The following MET variants were observed in gnomAD, a reference collection of about 807,000 sequenced individuals.
MET encodes MET proto-oncogene, receptor tyrosine kinase.
Under a neutral mutation model 133.1 loss-of-function variants are expected in MET, and 48 were observed. That is an observed-to-expected ratio of 0.36 (90% confidence interval 0.29 to 0.46). The LOEUF (loss-of-function observed/expected upper bound fraction) is 0.46. Ranked by LOEUF, MET falls within the 20% of genes least tolerant of loss-of-function variation. MET has a pLI of 1.00. For synonymous variants in MET, 628 were observed against 616.5 expected, an observed-to-expected ratio of 1.02 and a Z score of -0.28; for missense variants, 1,442 against 1,695.9, an observed-to-expected ratio of 0.85 and a Z score of 2.63.
chr7:116,735,895 G>C (rs1440198420), intron 3 of MET, among the ~76,000 whole-genome samples: 1 of 150,610 alleles, frequency 6.6e-6, no homozygotes, highest in Non-Finnish European at 1.5e-5. Context: ...TTGTGCCTTA[G>C]CCTCCTGAGT....
chr7:116,741,702 G>C (rs1457426432), intron 5 of MET, among the ~76,000 whole-genome samples: 1 of 152,194 alleles, frequency 6.6e-6, no homozygotes, highest in Non-Finnish European at 1.5e-5. Context: ...AGAAAAAAAA[G>C]CAAAGGCTCA....
At chr7:116,785,960 A>G (rs1795299838) in intron 19 of MET, among the ~76,000 whole-genome samples, 1 of 152,246 alleles carries the variant, frequency 6.6e-6, no homozygotes, top group African/African-American at 2.4e-5. Flanking sequence ...TCCATCAGGC[A>G]ATTGAAAATG....
At chr7:116,758,366 CATTGAGTT>C (rs1250495610) in intron 8 of MET, 85 bp from the exon 9 acceptor site, 4 of 1,310,120 alleles carry the variant, frequency 3.1e-6, no homozygotes, top group Non-Finnish European at 4.4e-6. Context: ...ACTTAGGAAC[CATTGAGTT>C]ATATCCTTTT....
intron 19 of MET, among the ~76,000 whole-genome samples, chr7:116,788,558 A>T (rs546945259): frequency 6.6e-6 from 1 of 152,356 alleles, no homozygotes; most frequent in Admixed American, 6.5e-5. Flanking sequence ...CTGGAAATGT[A>T]CATAGATTTC....
intron 1 of MET, 70 bp downstream of exon 1, chr7:116,672,647 C>G (rs1796016475): frequency 2.7e-6 from 1 of 373,568 alleles, no homozygotes; most frequent in Non-Finnish European, 4.8e-6. Context: ...TCTTTGTTCC[C>G]CTAAGAGACC....
At chr7:116,701,886 A>G (rs1791593077) in intron 2 of MET, among the ~76,000 whole-genome samples, 1 of 152,194 alleles carries the variant, frequency 6.6e-6, no homozygotes, top group Non-Finnish European at 1.5e-5. Context: ...CTCCTAGAGC[A>G]CATGGATTTG....
In MET at chr7:116,757,424, G is replaced by C. The variant is rs764856420; in HGVS notation, c.1863-13G>C. 10 of 1,605,730 alleles carry C rather than the reference G, an allele frequency of 6.2e-6. No individual in the cohort carries two copies. Among genetic ancestry groups the C allele is most frequent in the Non-Finnish European group, 7.7e-6 (9 of 1,174,100 alleles). Reference sequence around the variant, plus strand: ...GGATTTGTCATGTATTAAACTTTGGGTTTTTTTTCCAGATTGAAATGCACA... The same window carrying C: ...GGATTTGTCATGTATTAAACTTTGGCTTTTTTTTCCAGATTGAAATGCACA... On this transcript the variant is annotated splice_polypyrimidine_tract_variant and intron_variant, in intron 6 of 20. Transcript: ENST00000397752.
At chr7:116,680,402 G>A (rs1264014006) in intron 1 of MET, among the ~76,000 whole-genome samples, 3 of 152,168 alleles carry the variant, frequency 2.0e-5, no homozygotes, top group African/African-American at 4.8e-5. Context: ...TATTTGAACA[G>A]TTGGGAAAAT....
intron 3 of MET, among the ~76,000 whole-genome samples, chr7:116,733,562 T>G (rs184386794): frequency 1.3e-4 from 20 of 152,348 alleles, no homozygotes; most frequent in Admixed American, 2.0e-4. Flanking sequence ...CTGAGGGATA[T>G]GTCACGCATC....
At chr7:116,782,309 G>T (rs1419398628) in intron 18 of MET, among the ~76,000 whole-genome samples, 2 of 152,204 alleles carry the variant, frequency 1.3e-5, no homozygotes, top group Non-Finnish European at 2.9e-5. Flanking sequence ...TCCATAGGGG[G>T]TCTTAAACAG....
At chr7:116,730,304 A>G (rs1415468628) in intron 2 of MET, among the ~76,000 whole-genome samples, 1 of 152,214 alleles carries the variant, frequency 6.6e-6, no homozygotes, top group African/African-American at 2.4e-5. Context: ...CTGGAGCACT[A>G]AGAACACAGA....
intron 2 of MET, among the ~76,000 whole-genome samples, chr7:116,729,499 TAAAC>T (rs1414314940): frequency 6.6e-6 from 1 of 152,226 alleles, no homozygotes; most frequent in Non-Finnish European, 1.5e-5. Context: ...TGTTTGTTCT[TAAAC>T]AATAAAATGA....
intron 19 of MET, among the ~76,000 whole-genome samples, chr7:116,788,571 C>T (rs904320711): frequency 1.8e-4 from 27 of 152,294 alleles, no homozygotes; most frequent in African/African-American, 6.0e-4. Context: ...TAGATTTCTG[C>T]AGATAGGATG....
chr7:116,692,624 T>C (rs1796813381), intron 1 of MET, among the ~76,000 whole-genome samples: 1 of 152,244 alleles, frequency 6.6e-6, no homozygotes, highest in Admixed American at 6.5e-5. Flanking sequence ...AGTCGCTGGT[T>C]TTAAAGGTAG....
chr7:116,788,591 C>A (rs1031395118), intron 19 of MET, among the ~76,000 whole-genome samples: 2 of 152,200 alleles, frequency 1.3e-5, no homozygotes, highest in African/African-American at 4.8e-5. Flanking sequence ...GGTGCTATTT[C>A]TTTCTCACTC....
intron 17 of MET, among the ~76,000 whole-genome samples, chr7:116,780,327 TA>T (rs887683613): frequency 2.6e-5 from 4 of 152,148 alleles, no homozygotes; most frequent in Admixed American, 2.0e-4. Context: ...AGCAACTTTA[TA>T]AATATGGGGT....
intron 19 of MET, among the ~76,000 whole-genome samples, chr7:116,792,120 G>T (rs147358921): frequency 6.6e-6 from 1 of 151,828 alleles, no homozygotes; most frequent in African/African-American, 2.4e-5. Flanking sequence ...TGTTGATGTT[G>T]TATCTCCATG....
intron 15 of MET, among the ~76,000 whole-genome samples, chr7:116,775,633 G>C (rs1475250577): frequency 3.3e-5 from 5 of 152,206 alleles, no homozygotes; most frequent in Non-Finnish European, 7.3e-5. Context: ...CTTGAACCCA[G>C]GAGGTGGAAG....
chr7:116,703,087 T>C (rs1340885531), intron 2 of MET, among the ~76,000 whole-genome samples: 1 of 152,192 alleles, frequency 6.6e-6, no homozygotes, highest in African/African-American at 2.4e-5. Context: ...CCAGTACTCG[T>C]CATCTTCACC....
Sources: allele counts gnomAD v4.1 joint callset (sites outside exome capture counted in the v4.1 genomes callset), GRCh38; gene constraint gnomAD v4.1.1; transcripts MANE v1.5; gene names NCBI Gene and HGNC (gene_info 2026-07-23, HGNC 2026-07-21).